Variants in C12orf42 observed in about 807,000 individuals in gnomAD.
The protein encoded by C12orf42 is uncharacterized protein C12orf42.
In C12orf42, 25 loss-of-function variants were observed where a neutral mutation model predicts 21.6. The observed-to-expected ratio is 1.16, with a 90% CI of 0.84 to 1.62. The LOEUF (loss-of-function observed/expected upper bound fraction) is 1.62, where lower values mean the gene tolerates loss of function less well. Among genes scored for constraint, C12orf42 ranks in the 40% most tolerant of loss-of-function variants. The pLI is 0.00. For missense variants in C12orf42, 483 were observed against 459.3 expected (o/e 1.05, Z -0.47); for synonymous variants, 174 against 175.0 (o/e 0.99, Z 0.05).
the C12orf42 span, among the ~76,000 whole-genome samples, chr12:103,149,181 C>CA: frequency 6.6e-6 from 1 of 151,960 alleles, no homozygotes; most frequent in Non-Finnish European, 1.5e-5. Context: ...CGTTGATTTT[C>CA]AAAAAAATTC....
chr12:103,327,965 A>T (rs1211949154), intron 4 of C12orf42, among the ~76,000 whole-genome samples: 1 of 152,196 alleles, frequency 6.6e-6, no homozygotes. Flanking sequence ...TTGCACTGAA[A>T]ATTCCAGGAA....
Position 103,255,147 on chromosome 12 carries a change from A to C in C12orf42, c.*1366+8179T>G, listed in dbSNP as rs144038335. Among the ~76,000 whole-genome samples the C allele has an allele frequency of 6.0e-3, 917 of 152,008 alleles. 9 individuals carry two copies. Among genetic ancestry groups the C allele is most frequent in the African/African-American group, 0.021 (876 of 41,456 alleles). On this transcript the variant is annotated intron_variant and NMD_transcript_variant, in intron 10 of 10. Coordinates refer to the C12orf42 transcript ENST00000547347. ...CAGCACTTTGGGAGGCTAAAGAGGA[A>C]AAATCACGAGGTCAAGAGATTGAGA...
At chr12:103,074,396 G>A in the C12orf42 span, among the ~76,000 whole-genome samples, 5 of 152,156 alleles carry the variant, frequency 3.3e-5, no homozygotes, top group African/African-American at 1.2e-4. Context: ...GCTCCTGTCT[G>A]CAAATAGCTT....
downstream of C12orf42, among the ~76,000 whole-genome samples, chr12:103,234,091 T>G (rs949521823): frequency 2.6e-5 from 4 of 152,212 alleles, no homozygotes; most frequent in African/African-American, 7.2e-5. Context: ...TTTTAGCCTG[T>G]TGATGCAATG....
chr12:103,519,055 C>G, the C12orf42 span, among the ~76,000 whole-genome samples: 1 of 152,092 alleles, frequency 6.6e-6, no homozygotes, highest in African/African-American at 2.4e-5. Flanking sequence ...TCATGCTGTT[C>G]TCATGATAGT....
chr12:103,363,725 A>G (rs902977450), intron 4 of C12orf42, among the ~76,000 whole-genome samples: 3 of 152,112 alleles, frequency 2.0e-5, no homozygotes, highest in African/African-American at 7.2e-5. Flanking sequence ...ATTATAAAGC[A>G]ACAACACTTA....
chr12:103,065,541 T>A, the C12orf42 span, among the ~76,000 whole-genome samples: 4 of 152,200 alleles, frequency 2.6e-5, no homozygotes, highest in Non-Finnish European at 4.4e-5. Context: ...CAACAAGATA[T>A]CACACTGGTC....
At chr12:103,085,758 C>T in the C12orf42 span, among the ~76,000 whole-genome samples, 1 of 152,124 alleles carries the variant, frequency 6.6e-6, no homozygotes, top group Non-Finnish European at 1.5e-5. Context: ...TTTCCCCCTC[C>T]CTTGGTCTTT....
At chr12:103,386,583 C>T (rs1219678842) in intron 3 of C12orf42, among the ~76,000 whole-genome samples, 1 of 152,216 alleles carries the variant, frequency 6.6e-6, no homozygotes, top group East Asian at 1.9e-4. Flanking sequence ...TTAATGTAAT[C>T]TTTTGATCTC....
At chr12:103,258,384 T>C (rs1347950048) in intron 10 of C12orf42, among the ~76,000 whole-genome samples, 1 of 152,074 alleles carries the variant, frequency 6.6e-6, no homozygotes, top group African/African-American at 2.4e-5. Flanking sequence ...AATGCATAAT[T>C]AATAATGAAG....
At chr12:103,506,094 CT>C in the C12orf42 span, 1 of 223,114 alleles carries the variant, frequency 4.5e-6, no homozygotes, top group Non-Finnish European at 8.8e-6. Context: ...ACCCCTGGAG[CT>C]TTTCCTAGAT....
chr12:103,495,376 C>A (rs1593034596), intron 1 of C12orf42, among the ~76,000 whole-genome samples: 1 of 152,076 alleles, frequency 6.6e-6, no homozygotes, highest in African/African-American at 2.4e-5. Flanking sequence ...CAAGGCGGGG[C>A]GTGCCCTCCA....
intron 2 of C12orf42, among the ~76,000 whole-genome samples, chr12:103,405,573 A>AT (rs1190670363): frequency 2.0e-5 from 3 of 152,280 alleles, no homozygotes; most frequent in Non-Finnish European, 2.9e-5. Flanking sequence ...ACCTTCACAA[A>AT]TCGGGAGCTG....
Position 103,490,933 on chromosome 12 carries a change from T to C in C12orf42, c.-22+4969A>G, listed in dbSNP as rs12231316. Among the ~76,000 whole-genome samples the C allele has an allele frequency of 0.012, 1,898 of 152,248 alleles. 214 individuals carry two copies. In the East Asian group the frequency reaches 0.26, roughly 21 times the overall value. On this transcript the variant is annotated intron_variant, in intron 1 of 5. Transcript: ENST00000548883. ...CTAGTGGGTAGTAGCATACCTTACATTGATGAATTAAATGTGTGCATAGGG... is the reference window on the plus strand; with the variant it reads ...CTAGTGGGTAGTAGCATACCTTACACTGATGAATTAAATGTGTGCATAGGG...
chr12:103,462,184 T>C (rs1253359834), intron 2 of C12orf42, among the ~76,000 whole-genome samples: 2 of 139,842 alleles, frequency 1.4e-5, no homozygotes, highest in Non-Finnish European at 3.1e-5. Flanking sequence ...CTCCACTCAC[T>C]GCAACCTCCG....
At chr12:103,068,645 C>T in the C12orf42 span, among the ~76,000 whole-genome samples, 1 of 151,746 alleles carries the variant, frequency 6.6e-6, no homozygotes, top group Non-Finnish European at 1.5e-5. Flanking sequence ...TAATCAGCTG[C>T]CAGCATGGCC....
At chr12:103,257,906 A>T (rs113776714) in intron 10 of C12orf42, among the ~76,000 whole-genome samples, 2,552 of 152,110 alleles carry the variant, frequency 0.017, 95 homozygotes, top group African/African-American at 0.058. Flanking sequence ...AATATCAAAA[A>T]AAATTCTAAT....
chr12:103,273,451 G>GCC (rs2035582967), intron 5 of C12orf42, among the ~76,000 whole-genome samples: 1 of 152,066 alleles, frequency 6.6e-6, no homozygotes, highest in Non-Finnish European at 1.5e-5. Context: ...GGCCATTTTA[G>GCC]ACTGTAATGG....
chr12:103,117,676 G>T, the C12orf42 span, among the ~76,000 whole-genome samples: 1 of 152,202 alleles, frequency 6.6e-6, no homozygotes, highest in Non-Finnish European at 1.5e-5. Context: ...GAAAATGTTT[G>T]AATTCAAACC....
Sources: allele counts gnomAD v4.1 joint callset (sites outside exome capture counted in the v4.1 genomes callset), GRCh38; gene constraint gnomAD v4.1.1; transcripts MANE v1.5; gene names NCBI Gene and HGNC (gene_info 2026-07-23, HGNC 2026-07-21).